LRRFIP2: variants seen among roughly 807,000 people sequenced by gnomAD.
The protein encoded by LRRFIP2 is LRR binding FLII interacting protein 2.
Under a neutral mutation model 125.9 loss-of-function variants are expected in LRRFIP2, and 109 were observed. The ratio of observed to expected loss-of-function variants is 0.87; its 90% CI spans 0.74 to 1.01. The LOEUF is 1.01. LRRFIP2 is among the 50% of genes least tolerant of loss of function. The probability of loss-of-function intolerance (pLI) is 0.00; values close to 1 mark genes in which losing one functional copy is unlikely to be tolerated. For missense variants in LRRFIP2, 850 were observed against 862.3 expected, an observed-to-expected ratio of 0.99 and a Z score of 0.18; for synonymous variants, 291 against 293.1, an observed-to-expected ratio of 0.99 and a Z score of 0.07.
chr3:37,126,461 G>A (rs2095276606), intron 4 of LRRFIP2, among the ~76,000 whole-genome samples: 2 of 152,072 alleles, frequency 1.3e-5, no homozygotes, highest in Admixed American at 1.3e-4. Flanking sequence ...ACTTGGATTA[G>A]TCACTACCTG....
chr3:37,174,110 G>A (rs1229797173), intron 1 of LRRFIP2: 4 of 152,138 alleles, frequency 2.6e-5, no homozygotes, highest in Non-Finnish European at 5.9e-5. Flanking sequence ...GTAAAAAAAA[G>A]ATGCCAAAAT....
At chr3:37,119,383 T>C (rs1424264374) in intron 6 of LRRFIP2, among the ~76,000 whole-genome samples, 1 of 152,228 alleles carries the variant, frequency 6.6e-6, no homozygotes. Context: ...AGATTCCTTT[T>C]TTGTTTGCAG....
intron 19 of LRRFIP2, among the ~76,000 whole-genome samples, chr3:37,075,433 GAAT>G (rs1015804830): frequency 5.9e-5 from 9 of 151,682 alleles, no homozygotes; most frequent in Admixed American, 1.3e-4. Flanking sequence ...TTCAAAGAAG[GAAT>G]AATAAATGCA....
intron 6 of LRRFIP2, among the ~76,000 whole-genome samples, chr3:37,120,740 C>T (rs1432714827): frequency 6.6e-6 from 1 of 151,474 alleles, no homozygotes; most frequent in African/African-American, 2.4e-5. Flanking sequence ...AGTATACATA[C>T]AGCATTGTAA....
chr3:37,071,202 T>C (rs1465100288), intron 21 of LRRFIP2, among the ~76,000 whole-genome samples: 1 of 152,240 alleles, frequency 6.6e-6, no homozygotes, highest in Non-Finnish European at 1.5e-5. Context: ...AAGTAGCTTT[T>C]GTTCTTTAAA....
intron 15 of LRRFIP2, among the ~76,000 whole-genome samples, chr3:37,100,429 T>C (rs981308104): frequency 7.8e-6 from 1 of 128,766 alleles, no homozygotes; most frequent in Non-Finnish European, 1.9e-5. Flanking sequence ...CATACATATA[T>C]GTATACACAT....
At chr3:37,133,957 A>C (rs1451845475) in intron 2 of LRRFIP2, among the ~76,000 whole-genome samples, 1 of 152,092 alleles carries the variant, frequency 6.6e-6, no homozygotes. Flanking sequence ...AATTCAGAAA[A>C]ATTCAGAAAA....
chr3:37,130,246 C>T (rs1416314677), intron 2 of LRRFIP2, among the ~76,000 whole-genome samples: 1 of 152,196 alleles, frequency 6.6e-6, no homozygotes, highest in Admixed American at 6.5e-5. Flanking sequence ...CTCTTGCTTA[C>T]AGTTACCTCC....
rs187764349 is a variant in LRRFIP2 at position 37,066,487 on chromosome 3, G to A, written c.1465-162C>T. 345 of 623,152 alleles carry A rather than the reference G, an allele frequency of 5.5e-4. No homozygotes were observed. In the African/African-American group the frequency reaches 5.9e-3, roughly 11 times the overall value. 38.6% of individuals were successfully genotyped at this position (623,152 alleles called of 1,614,324 possible). A position where few individuals can be genotyped will look rare whatever the true frequency, so the allele number is the denominator to read the frequency against. ...ACAGTCAGATATGGGAGGAAATACAGAGTTACATGGATATACATCTCCAGA... is the reference window on the plus strand; with the variant it reads ...ACAGTCAGATATGGGAGGAAATACAAAGTTACATGGATATACATCTCCAGA... On this transcript the variant is annotated intron_variant, in intron 21 of 27. Transcript: ENST00000336686.
chr3:37,162,434 AGAT>A (rs2096373469), intron 1 of LRRFIP2, among the ~76,000 whole-genome samples: 1 of 152,182 alleles, frequency 6.6e-6, no homozygotes, highest in South Asian at 2.1e-4. Flanking sequence ...GGAAACAAGA[AGAT>A]GATAAGAGTG....
At position 37,054,310 on chromosome 3, in the gene LRRFIP2, G is replaced by C. The variant is rs567440588; in HGVS notation, c.2055+101C>G. The C allele has an allele frequency of 2.1e-4, 197 of 951,214 alleles. No homozygotes were observed. The African/African-American group carries it at 3.1e-3, about 15-fold the overall frequency. The allele number at this position is 951,214 out of a possible 1,614,324, so 58.9% of individuals were successfully genotyped here. Reference sequence around the variant, plus strand: ...AAATTAGTTAAGTGACTCCACTGCTGTTTCCTTAAGTATCAAATTTCTTAC... The same window carrying C: ...AAATTAGTTAAGTGACTCCACTGCTCTTTCCTTAAGTATCAAATTTCTTAC... On this transcript the variant is annotated intron_variant, in intron 27 of 27. Coordinates refer to ENST00000336686, the MANE Select transcript of LRRFIP2 (RefSeq NM_006309.4).
chr3:37,058,391 C>T (rs906196988), intron 25 of LRRFIP2, among the ~76,000 whole-genome samples: 3 of 152,094 alleles, frequency 2.0e-5, no homozygotes, highest in Admixed American at 1.3e-4. Context: ...AGCATATTAA[C>T]GGCCAGGCGC....
intron 1 of LRRFIP2, among the ~76,000 whole-genome samples, chr3:37,166,290 A>G (rs1487840554): frequency 1.3e-5 from 2 of 152,148 alleles, no homozygotes; most frequent in African/African-American, 2.4e-5. Flanking sequence ...AGATTGGGCC[A>G]CTGCACTCCA....
chr3:37,141,931 G>A (rs2095712538), intron 2 of LRRFIP2, among the ~76,000 whole-genome samples: 1 of 152,156 alleles, frequency 6.6e-6, no homozygotes, highest in African/African-American at 2.4e-5. Context: ...GGCAGCATGT[G>A]AGAATGGGCT....
At position 37,129,008 on chromosome 3, in the gene LRRFIP2, A is replaced by G. The variant is rs373345285; in HGVS notation, c.177+55T>C. 6.4e-5 allele frequency: 93 copies of G among 1,458,278 alleles called. No homozygotes were observed. The African/African-American group carries it at 1.2e-3, about 19-fold the overall frequency. 90.3% of individuals were successfully genotyped at this position (1,458,278 alleles called of 1,614,324 possible). ...AGATTCACATCAGAATAAACTAGCC[A>G]AGTACTGATTTTGGGGGAGACAAAT... On this transcript the variant is annotated intron_variant, in intron 3 of 27. Coordinates refer to ENST00000336686, the MANE Select transcript of LRRFIP2 (RefSeq NM_006309.4).
intron 16 of LRRFIP2, among the ~76,000 whole-genome samples, chr3:37,095,460 T>G (rs2093669704): frequency 6.6e-6 from 1 of 152,190 alleles, no homozygotes; most frequent in African/African-American, 2.4e-5. Context: ...TATTGATTAA[T>G]AAACTGCATG....
chr3:37,098,468 C>A (rs530368270), intron 15 of LRRFIP2, among the ~76,000 whole-genome samples: 12 of 151,482 alleles, frequency 7.9e-5, no homozygotes, highest in African/African-American at 2.9e-4. Context: ...GCTCACTGCA[C>A]CCTCTGCCTC....
chr3:37,058,713 C>T, intron 25 of LRRFIP2, 77 bp downstream of exon 25: 1 of 1,492,220 alleles, frequency 6.7e-7, no homozygotes. Flanking sequence ...TACAAGATAC[C>T]AGCAACCTGC....
intron 24 of LRRFIP2, among the ~76,000 whole-genome samples, chr3:37,061,139 G>C (rs1213134379): frequency 6.6e-6 from 1 of 152,168 alleles, no homozygotes; most frequent in African/African-American, 2.4e-5. Flanking sequence ...TTCCGCTCGA[G>C]ATATGACGTG....
Sources: allele counts gnomAD v4.1 joint callset (sites outside exome capture counted in the v4.1 genomes callset), GRCh38; gene constraint gnomAD v4.1.1; transcripts MANE v1.5; gene names NCBI Gene and HGNC (gene_info 2026-07-23, HGNC 2026-07-21).